CC2D2A: variants seen among roughly 807,000 people sequenced by gnomAD.
CC2D2A encodes the protein coiled-coil and C2 domain containing 2A, also known as coiled-coil and C2 domain-containing protein 2A.
A neutral mutation model predicts 212.9 loss-of-function variants in CC2D2A; 155 were observed. That is an observed-to-expected ratio of 0.73 (90% CI 0.64 to 0.83). The LOEUF is 0.83. Among genes scored for constraint, CC2D2A ranks in the 40% least tolerant of loss-of-function variants. The probability of loss-of-function intolerance (pLI) is 0.00; values close to 1 mark genes in which losing one functional copy is unlikely to be tolerated. For synonymous variants in CC2D2A, 667 were observed against 686.5 expected (o/e 0.97, Z 0.44); for missense variants, 1,856 against 1,956.2 (o/e 0.95, Z 0.97).
At chr4:15,471,740 T>C (rs1050481543) in intron 1 of CC2D2A, among the ~76,000 whole-genome samples, 1 of 151,622 alleles carries the variant, frequency 6.6e-6, no homozygotes, top group Non-Finnish European at 1.5e-5. Context: ...GGCAAAGAAA[T>C]ATGTGGACCA....
At chr4:15,504,291 G>A (rs1370925996) in intron 6 of CC2D2A, among the ~76,000 whole-genome samples, 1 of 152,130 alleles carries the variant, frequency 6.6e-6, no homozygotes, top group Non-Finnish European at 1.5e-5. Flanking sequence ...TATTTGTTAT[G>A]TGCCCTCATG....
At chr4:15,570,770 C>T (rs565214616) in intron 28 of CC2D2A, among the ~76,000 whole-genome samples, 9 of 150,914 alleles carry the variant, frequency 6.0e-5, no homozygotes, top group African/African-American at 9.9e-5. Flanking sequence ...GCAGGAGAAT[C>T]GCTTGAACCA....
intron 15 of CC2D2A, 67 bp from the exon 16 acceptor site, chr4:15,537,832 G>T: frequency 6.7e-7 from 1 of 1,501,484 alleles, no homozygotes; most frequent in South Asian, 1.3e-5. Context: ...ATCTGGCTAT[G>T]AAGACTGTGC....
chr4:15,510,100 G>A (rs1413010083), intron 6 of CC2D2A, 39 bp from the exon 7 acceptor site: 3 of 1,499,166 alleles, frequency 2.0e-6, no homozygotes, highest in South Asian at 1.2e-5. Flanking sequence ...AGTTTCTTGG[G>A]TTAAATGGTT....
chr4:15,584,946 C>A (rs1720800646), intron 30 of CC2D2A, among the ~76,000 whole-genome samples: 1 of 152,112 alleles, frequency 6.6e-6, no homozygotes, highest in Admixed American at 6.5e-5. Flanking sequence ...CCATGAGACA[C>A]CACCTCACTC....
intron 20 of CC2D2A, among the ~76,000 whole-genome samples, chr4:15,556,638 C>G (rs1719294304): frequency 6.6e-6 from 1 of 152,194 alleles, no homozygotes; most frequent in Non-Finnish European, 1.5e-5. Flanking sequence ...AGCTTTTCCT[C>G]TGCTCAGGAG....
chr4:15,471,791 G>T (rs1189021312), intron 1 of CC2D2A, among the ~76,000 whole-genome samples: 2 of 152,102 alleles, frequency 1.3e-5, no homozygotes, highest in Non-Finnish European at 2.9e-5. Context: ...CTGGAGTAGG[G>T]CATATATATT....
At chr4:15,570,298 A>G (rs1720096787) in intron 27 of CC2D2A, 100 bp from the exon 28 acceptor site, 9 of 684,514 alleles carry the variant, frequency 1.3e-5, no homozygotes, top group Admixed American at 1.2e-4. Context: ...ATATAAGTTC[A>G]TATGCTTTCA....
rs1720925212 is a variant in CC2D2A, at chr4:15,587,919, C to G, written c.4169C>G (p.Ala1390Gly). Residue 1390 changes from alanine to glycine, a missense_variant, in exon 32 of 37, where the codon GCT (alanine) becomes GGT (glycine). Coordinates refer to ENST00000424120, the MANE Select transcript of CC2D2A (RefSeq NM_001378615.1). Reference sequence around the variant, plus strand: ...AAGGCCTGGCTGTTGATGGGCAATGCTATTCCTGAGGTAAGACCACATAGG... The same window carrying G: ...AAGGCCTGGCTGTTGATGGGCAATGGTATTCCTGAGGTAAGACCACATAGG... ...GKKAWLLMGN[A>G]IPEGPTAYVL... 3.7e-6 allele frequency: 6 copies of G among 1,603,014 alleles called. No homozygotes were observed. The highest frequency in any genetic ancestry group is 4.3e-6 in the Non-Finnish European group (5 of 1,170,384).
chr4:15,486,227 G>T (rs1347604103), intron 4 of CC2D2A, among the ~76,000 whole-genome samples: 1 of 152,086 alleles, frequency 6.6e-6, no homozygotes, highest in Non-Finnish European at 1.5e-5. Flanking sequence ...GTTTGAGTAG[G>T]ATTAATAATA....
chr4:15,482,045 A>G (rs1577313487), intron 4 of CC2D2A: 3 of 985,426 alleles, frequency 3.0e-6, no homozygotes, highest in East Asian at 2.3e-4. Context: ...GCTTTTCATG[A>G]AAAGTGGATT....
intron 30 of CC2D2A, among the ~76,000 whole-genome samples, chr4:15,584,004 G>C (rs570665497): frequency 6.6e-6 from 1 of 151,220 alleles, no homozygotes; most frequent in Non-Finnish European, 1.5e-5. Flanking sequence ...GAAAGAAATT[G>C]AGGAAGGCAC....
chr4:15,577,889 T>C (rs1193862074), intron 29 of CC2D2A, among the ~76,000 whole-genome samples: 1 of 152,236 alleles, frequency 6.6e-6, no homozygotes, highest in Non-Finnish European at 1.5e-5. Flanking sequence ...TGGAGGATTC[T>C]TCCATACTCA....
In CC2D2A at chr4:15,473,809, G is replaced by A. The variant is rs1713994244; in HGVS notation, c.-18-2106G>A. Among the ~76,000 whole-genome samples the A allele has an allele frequency of 2.0e-5, 3 of 152,172 alleles. No individual in the cohort carries two copies. In the South Asian group the frequency reaches 6.2e-4, roughly 32 times the overall value. ...TGAAGCCAAAACTGGCAGGATTTCT[G>A]ATGGATTCATGTGAGACTGAGAAAG... is the stretch of plus-strand genomic sequence containing the variant. On this transcript the variant is annotated intron_variant, in intron 1 of 36. Transcript: ENST00000424120.
intron 30 of CC2D2A, among the ~76,000 whole-genome samples, chr4:15,584,185 C>T (rs1720769967): frequency 6.6e-6 from 1 of 151,708 alleles, no homozygotes; most frequent in African/African-American, 2.4e-5. Context: ...AAGAAAAGAT[C>T]CCAAATAGCC....
chr4:15,596,259 T>C (rs1034979857), intron 34 of CC2D2A, 52 bp downstream of exon 34: 1 of 1,423,226 alleles, frequency 7.0e-7, no homozygotes, highest in African/African-American at 1.4e-5. Flanking sequence ...AGATAGGAAA[T>C]TATACTGGGT....
intron 34 of CC2D2A, 109 bp from the exon 35 acceptor site, chr4:15,597,298 T>A: frequency 2.5e-6 from 2 of 810,372 alleles, no homozygotes; most frequent in Non-Finnish European, 2.1e-6. Context: ...TTATATTATT[T>A]TCTATATCTC....
chr4:15,512,019 G>T (rs1265606952), intron 8 of CC2D2A, among the ~76,000 whole-genome samples: 1 of 152,186 alleles, frequency 6.6e-6, no homozygotes, highest in Non-Finnish European at 1.5e-5. Flanking sequence ...CCCACAATGA[G>T]ATACCCCTGC....
intron 4 of CC2D2A, among the ~76,000 whole-genome samples, chr4:15,492,449 C>T (rs1431152282): frequency 1.3e-5 from 2 of 151,678 alleles, no homozygotes; most frequent in African/African-American, 2.4e-5. Flanking sequence ...TCTGTTTAAA[C>T]CTTCCAATGG....
Sources: allele counts gnomAD v4.1 joint callset (sites outside exome capture counted in the v4.1 genomes callset), GRCh38; gene constraint gnomAD v4.1.1; transcripts MANE v1.5; gene names NCBI Gene and HGNC (gene_info 2026-07-23, HGNC 2026-07-21).